Variants in TCF12 observed in about 807,000 individuals in gnomAD.
The protein encoded by TCF12 is DNA-binding protein HTF4.
Under a neutral mutation model 86.0 loss-of-function variants are expected in TCF12, and 45 were observed. The ratio of observed to expected loss-of-function variants is 0.52; its 90% CI spans 0.41 to 0.67. The LOEUF is 0.67. Ranked by LOEUF, TCF12 falls within the 30% of genes least tolerant of loss-of-function variation. TCF12 has a pLI of 0.00. For missense variants in TCF12, 881 were observed against 859.9 expected, an observed-to-expected ratio of 1.02 and a Z score of -0.31; for synonymous variants, 330 against 299.6, an observed-to-expected ratio of 1.10 and a Z score of -1.05.
intron 3 of TCF12, among the ~76,000 whole-genome samples, chr15:57,046,764 A>C (rs1383694953): frequency 6.6e-6 from 1 of 152,152 alleles, no homozygotes; most frequent in Non-Finnish European, 1.5e-5. Flanking sequence ...CTGATATTCT[A>C]AAACTATTGG....
intron 4 of TCF12, among the ~76,000 whole-genome samples, chr15:57,088,661 G>C (rs1477635243): frequency 6.6e-6 from 1 of 151,914 alleles, no homozygotes; most frequent in Non-Finnish European, 1.5e-5. Flanking sequence ...AGTTGTGTAA[G>C]TTCTTGCTAC....
chr15:57,245,638 G>A (rs982408622), intron 13 of TCF12, among the ~76,000 whole-genome samples: 1 of 152,122 alleles, frequency 6.6e-6, no homozygotes, highest in Non-Finnish European at 1.5e-5. Flanking sequence ...TCAATGAAAT[G>A]CAGAATCCAA....
At chr15:56,956,241 T>A (rs2061500004) in intron 3 of TCF12, among the ~76,000 whole-genome samples, 1 of 151,956 alleles carries the variant, frequency 6.6e-6, no homozygotes. Flanking sequence ...TTTGAATCCA[T>A]TATCTTGCCA....
At chr15:57,075,836 T>TCTCTCTCTCTCTCTCTCTC (rs1567371379) in intron 4 of TCF12, among the ~76,000 whole-genome samples, 1 of 22,344 alleles carries the variant, frequency 4.5e-5, no homozygotes. Flanking sequence ...CTCTCTCTCT[T>TCTCTCTCTCTCTCTCTCTC]TTCTTTCTTT....
chr15:57,024,846 T>C (rs2065725389), intron 3 of TCF12, among the ~76,000 whole-genome samples: 1 of 152,066 alleles, frequency 6.6e-6, no homozygotes, highest in African/African-American at 2.4e-5. Context: ...ATAAGGTAGG[T>C]AAGGGAGAGG....
At chr15:57,131,498 CTGTTT>C (rs2052116744) in intron 5 of TCF12, among the ~76,000 whole-genome samples, 2 of 152,176 alleles carry the variant, frequency 1.3e-5, no homozygotes, top group African/African-American at 4.8e-5. Context: ...TCCAATATTA[CTGTTT>C]TTACTTACTA....
At chr15:57,122,183 A>ATT (rs34824462) in intron 5 of TCF12, among the ~76,000 whole-genome samples, 98 of 144,024 alleles carry the variant, frequency 6.8e-4, no homozygotes, top group Middle Eastern at 3.5e-3. Flanking sequence ...GTCTTGCTTG[A>ATT]TTTTTTTTTT....
intron 14 of TCF12, 151 bp downstream of exon 14, chr15:57,251,574 C>T: frequency 1.4e-6 from 1 of 717,460 alleles, no homozygotes; most frequent in East Asian, 2.8e-5. Flanking sequence ...ATATAAGACA[C>T]ATTGGGTATG....
At chr15:57,110,314 T>TG (rs1180078644) in intron 5 of TCF12, among the ~76,000 whole-genome samples, 2 of 6,198 alleles carry the variant, frequency 3.2e-4, no homozygotes, top group East Asian at 0.5. Flanking sequence ...ATACCATAGT[T>TG]GGGGGAAAAA....
At chr15:57,171,242 T>G (rs533126581) in intron 6 of TCF12, among the ~76,000 whole-genome samples, 1 of 151,910 alleles carries the variant, frequency 6.6e-6, no homozygotes, top group African/African-American at 2.4e-5. Flanking sequence ...TTTTTTTTTT[T>G]AAGAATTCAT....
At chr15:57,098,166 C>A (rs1328775488) in intron 5 of TCF12, among the ~76,000 whole-genome samples, 2 of 152,056 alleles carry the variant, frequency 1.3e-5, no homozygotes, top group African/African-American at 2.4e-5. Flanking sequence ...GCCTGGATGA[C>A]AGAGCAAGAC....
At chr15:57,219,320 A>G (rs2058469134) in intron 8 of TCF12, 8 of 1,225,934 alleles carry the variant, frequency 6.5e-6, no homozygotes, top group Non-Finnish European at 8.2e-6. Context: ...ACTTGATGGA[A>G]ATTGAAAGAG....
At chr15:57,174,673 A>G (rs1597068090) in intron 6 of TCF12, among the ~76,000 whole-genome samples, 2 of 152,374 alleles carry the variant, frequency 1.3e-5, no homozygotes, top group Admixed American at 6.5e-5. Flanking sequence ...TAGTACTTTT[A>G]GCTATATCAC....
intron 3 of TCF12, among the ~76,000 whole-genome samples, chr15:57,048,254 GT>G (rs1338742662): frequency 7.3e-6 from 1 of 137,926 alleles, no homozygotes; most frequent in South Asian, 2.1e-4. Context: ...TTGTTTGTTT[GT>G]TTTGTTTTGT....
chr15:56,941,321 C>T (rs1383516427), intron 3 of TCF12, among the ~76,000 whole-genome samples: 3 of 151,930 alleles, frequency 2.0e-5, no homozygotes, highest in African/African-American at 4.8e-5. Flanking sequence ...AAGCCAAGAT[C>T]GTGCCACTGC....
chr15:57,278,866 C>A (rs2061545842), intron 19 of TCF12, among the ~76,000 whole-genome samples: 2 of 138,062 alleles, frequency 1.4e-5, no homozygotes. Context: ...CTTTGTTTTT[C>A]TTTCTTTCTT....
intron 5 of TCF12, among the ~76,000 whole-genome samples, chr15:57,130,177 G>A (rs1210990182): frequency 6.6e-6 from 1 of 152,176 alleles, no homozygotes; most frequent in Non-Finnish European, 1.5e-5. Context: ...TGTAACAGAT[G>A]AAAGGCTCAA....
In TCF12 at chr15:57,178,579, T is replaced by C. The variant is rs78006941; in HGVS notation, c.390+12113T>C. The stretch of plus-strand genomic sequence containing the variant: ...AATACCAAAGAGAAATAAGATTTCA[T>C]CTCCTGTTCTTCTAATGTTAGCACC... On this transcript the variant is annotated intron_variant, in intron 6 of 20. Transcript: ENST00000333725. 6.2e-3 allele frequency among the ~76,000 whole-genome samples: 949 copies of C among 152,318 alleles called. 29 individuals carry two copies. In the East Asian group the frequency reaches 0.072, roughly 12 times the overall value.
intron 3 of TCF12, among the ~76,000 whole-genome samples, chr15:56,933,615 C>A (rs1754788355): frequency 6.6e-6 from 1 of 152,024 alleles, no homozygotes; most frequent in Non-Finnish European, 1.5e-5. Context: ...AAGATGAGGA[C>A]AATAAAAATA....
Sources: gnomAD v4.1 joint callset for allele counts (sites outside exome capture counted in the v4.1 genomes callset) on GRCh38, gnomAD v4.1.1 for gene constraint, MANE v1.5 for transcripts, NCBI Gene and HGNC (gene_info 2026-07-23, HGNC 2026-07-21) for gene names.